MUC12: variants seen among roughly 807,000 people sequenced by gnomAD.
MUC12 encodes the protein mucin-12.
Under a neutral mutation model 230.8 loss-of-function variants are expected in MUC12, and 172 were observed. The ratio of observed to expected loss-of-function variants is 0.75; its 90% CI spans 0.66 to 0.85. MUC12 has a LOEUF of 0.85. Ranked by LOEUF, MUC12 falls within the 40% of genes least tolerant of loss-of-function variation. The pLI is 0.00. For missense variants in MUC12, 3,506 were observed against 5,920.6 expected (o/e 0.59, Z 13.38); for synonymous variants, 1,259 against 2,401.9 (o/e 0.52, Z 13.91).
intron 1 of MUC12, among the ~76,000 whole-genome samples, chr7:100,987,715 G>T (rs1022607781): frequency 1.3e-5 from 2 of 152,208 alleles, no homozygotes; most frequent in Admixed American, 6.5e-5. Flanking sequence ...GCTCGCGCCT[G>T]TAATCCCAGC....
In MUC12 at chr7:100,991,587, A is replaced by G. The variant is rs767257913; in HGVS notation, c.1024A>G (p.Thr342Ala). ...CCACAGCAGCCCAGTTGCAACTGCA[A>G]CAACACCCCCACCTGCCCGCTCCGC... ...PVHSSPVATATTPPPARSATS... is the reference protein window; with the variant it reads ...PVHSSPVATAATPPPARSATS... The change falls in exon 2 of 12, where the codon ACA (threonine) becomes GCA (alanine). Residue 342 changes from threonine to alanine, a missense_variant. Physicochemically the swap from Thr to Ala is moderately conservative, Grantham distance 58 (BLOSUM62 0). Transcript: ENST00000536621. The G allele has an allele frequency of 3.9e-6, 6 of 1,537,014 alleles. No individual in the cohort carries two copies. Among genetic ancestry groups the G allele is most frequent in the Non-Finnish European group, 5.2e-6 (6 of 1,146,414 alleles).
Position 100,993,007 on chromosome 7 carries a change from C to A in MUC12, c.2444C>A (p.Thr815Lys), listed in dbSNP as rs772808503. The change falls in exon 2 of 12, where the codon ACA becomes AAA. Residue 815 changes from threonine (T) to lysine (K), a missense_variant. Thr to Lys is a moderately conservative substitution (Grantham distance 78, BLOSUM62 -1). Coordinates refer to ENST00000536621, the MANE Select transcript of MUC12 (RefSeq NM_001164462.2). The part of the protein sequence containing the change: ...METTALPGST[T>K]TPGLSERSTT... The stretch of plus-strand genomic sequence containing the variant: ...ACGACAGCGTTACCCGGCAGTACCA[C>A]AACGCCAGGCCTCAGTGAGAGATCT... 12 of 1,537,064 alleles carry A rather than the reference C, an allele frequency of 7.8e-6. No homozygotes were observed. The South Asian group carries it at 1.4e-4, about 18-fold the overall frequency.
intron 5 of MUC12, among the ~76,000 whole-genome samples, chr7:101,011,285 C>A (rs1261522992): frequency 1.3e-5 from 2 of 151,994 alleles, no homozygotes; most frequent in African/African-American, 4.8e-5. Flanking sequence ...TTTTTTTTGT[C>A]CAAGTCCTCC....
intron 3 of MUC12, 42 bp from the exon 4 acceptor site, chr7:101,008,592 G>C (rs1290014558): frequency 6.6e-7 from 1 of 1,524,820 alleles, no homozygotes; most frequent in Non-Finnish European, 8.8e-7. Context: ...GGACATTATT[G>C]GGAGGTCGCT....
At chr7:100,990,167 G>C (rs556576649) in intron 1 of MUC12, among the ~76,000 whole-genome samples, 1 of 152,222 alleles carries the variant, frequency 6.6e-6, no homozygotes, top group Non-Finnish European at 1.5e-5. Flanking sequence ...CAGGACACAC[G>C]GCAAGAAGTG....
Position 100,981,418 on chromosome 7 carries a change from G to A in MUC12, c.68-9213G>A, listed in dbSNP as rs78043646. 7.7e-3 allele frequency: 4,846 copies of A among 630,956 alleles called. 22 individuals carry two copies. The highest frequency in any genetic ancestry group is 9.6e-3 in the Non-Finnish European group (3,370 of 350,960). The allele number at this position is 630,956 out of a possible 1,614,324, so 39.1% of individuals were successfully genotyped here. A position where few individuals can be genotyped will look rare whatever the true frequency, so the allele number is the denominator to read the frequency against. On this transcript the variant is annotated intron_variant, in intron 1 of 11. Coordinates refer to ENST00000536621, the MANE Select transcript of MUC12 (RefSeq NM_001164462.2). ...GGAGTTTGCTAGCCCAGGGGACGAC[G>A]GGGATGGCAGAGCCGAGGGCTTTAG...
In MUC12 at chr7:100,995,885, C is replaced by T. The variant is rs754997884; in HGVS notation, c.5322C>T (p.Ser1774=). 3.5e-6 allele frequency: 5 copies of T among 1,423,644 alleles called. No individual in the cohort carries two copies. In the South Asian group the frequency reaches 3.7e-5, roughly 11 times the overall value. The allele number at this position is 1,423,644 out of a possible 1,614,324, so 88.2% of individuals were successfully genotyped here. A position where few individuals can be genotyped will look rare whatever the true frequency, so the allele number is the denominator to read the frequency against. The change falls in exon 2 of 12, where the codon AGC becomes AGT. Residue 1774 remains serine, a synonymous_variant. Coordinates refer to ENST00000536621, the MANE Select transcript of MUC12 (RefSeq NM_001164462.2). ...TTGAAGAATCTACGGCGTACCACAG[C>T]AGCCCGGGCTCAACTCAAACAATGC... ...GLVEESTAYH[S]SPGSTQTMHF... is the part of the protein sequence containing the mutation.
chr7:100,982,172 G>A (rs1793119008), intron 1 of MUC12, among the ~76,000 whole-genome samples: 1 of 151,842 alleles, frequency 6.6e-6, no homozygotes, highest in Admixed American at 6.6e-5. Flanking sequence ...CAGCCTCCAG[G>A]GCACAGCTTC....
intron 1 of MUC12, among the ~76,000 whole-genome samples, chr7:100,983,814 G>A (rs1053646408): frequency 6.6e-6 from 1 of 152,060 alleles, no homozygotes; most frequent in East Asian, 1.9e-4. Context: ...TTTGACTTGT[G>A]ACAATAGACA....
intron 11 of MUC12, 113 bp downstream of exon 11, chr7:101,017,776 T>TCCCTTCTCCCCCTGGGACG: frequency 1.8e-6 from 1 of 549,630 alleles, no homozygotes; most frequent in Non-Finnish European, 2.8e-6. Flanking sequence ...CCCCTGGGAC[T>TCCCTTCTCCCCCTGGGACG]CCCTCCCTTC....
At chr7:100,977,995 A>G (rs140150861) in intron 1 of MUC12, among the ~76,000 whole-genome samples, 2,147 of 152,242 alleles carry the variant, frequency 0.014, 32 homozygotes, top group Non-Finnish European at 0.023. Context: ...TCTGACAAGT[A>G]TGCAGATTTA....
At chr7:100,976,691 C>T (rs781106079) in intron 1 of MUC12, among the ~76,000 whole-genome samples, 8 of 151,820 alleles carry the variant, frequency 5.3e-5, no homozygotes, top group Non-Finnish European at 1.0e-4. Context: ...TACAACATTC[C>T]TAAGAAGAAG....
At chr7:100,981,259 G>A (rs553103614) in intron 1 of MUC12, 7 of 417,842 alleles carry the variant, frequency 1.7e-5, no homozygotes, top group South Asian at 7.2e-5. Flanking sequence ...GAGAAGGACC[G>A]CCGCACTTGC....
At chr7:101,009,011 G>T (rs1373249440) in intron 4 of MUC12, 84 bp from the exon 5 acceptor site, 1 of 1,459,916 alleles carries the variant, frequency 6.8e-7, no homozygotes, top group Non-Finnish European at 9.3e-7. Context: ...CCACAGAAAG[G>T]TGCCTAGGGC....
In MUC12 at chr7:101,005,060, C is replaced by T; in HGVS notation, c.14497C>T (p.Leu4833=). The T allele has an allele frequency of 6.5e-6, 10 of 1,537,840 alleles. No homozygotes were observed. The highest frequency in any genetic ancestry group is 8.7e-6 in the Non-Finnish European group (10 of 1,147,034). ...TTPHSQPGSA[L]STVSPASTTV... ...CCCTCATAGCCAACCAGGCTCAGCTCTGTCAACAGTGTCACCTGCCAGCAC... is the reference window on the plus strand; with the variant it reads ...CCCTCATAGCCAACCAGGCTCAGCTTTGTCAACAGTGTCACCTGCCAGCAC... The change falls in exon 2 of 12, where the codon CTG becomes TTG. Residue 4833 remains leucine, a synonymous_variant. Transcript: ENST00000536621.
intron 3 of MUC12, among the ~76,000 whole-genome samples, chr7:101,008,208 C>G (rs1793784888): frequency 6.6e-6 from 1 of 151,984 alleles, no homozygotes; most frequent in African/African-American, 2.4e-5. Context: ...CTCACCACAG[C>G]CTCGAACTCC....
chr7:100,970,808 T>A (rs1220142591), intron 1 of MUC12, among the ~76,000 whole-genome samples: 1 of 151,882 alleles, frequency 6.6e-6, no homozygotes, highest in Non-Finnish European at 1.5e-5. Context: ...CCATCCTGGC[T>A]AACACGGTGA....
At chr7:100,981,347 TG>T in intron 1 of MUC12, 2 of 607,666 alleles carry the variant, frequency 3.3e-6, no homozygotes, top group Non-Finnish European at 5.9e-6. Context: ...ACCCAGAGCA[TG>T]GTTCCCTTGT....
At chr7:100,981,839 G>T (rs904678410) in intron 1 of MUC12, among the ~76,000 whole-genome samples, 11 of 150,336 alleles carry the variant, frequency 7.3e-5, no homozygotes, top group Non-Finnish European at 8.9e-5. Flanking sequence ...CCTTCTCCTT[G>T]TGGCTTCCAG....
Sources: allele counts gnomAD v4.1 joint callset (sites outside exome capture counted in the v4.1 genomes callset), GRCh38; gene constraint gnomAD v4.1.1; transcripts MANE v1.5; gene names NCBI Gene and HGNC (gene_info 2026-07-23, HGNC 2026-07-21).